Variants in ARFGEF3 observed in about 807,000 individuals in gnomAD.
ARFGEF3 encodes the protein ARFGEF family member 3.
ARFGEF3 carries 96 observed loss-of-function variants against 221.7 expected under a neutral mutation model. That is an observed-to-expected ratio of 0.43 (90% CI 0.37 to 0.51). The LOEUF (loss-of-function observed/expected upper bound fraction) is 0.51, where lower values mean the gene tolerates loss of function less well. Among genes scored for constraint, ARFGEF3 ranks in the 20% least tolerant of loss-of-function variants. ARFGEF3 has a pLI of 0.00. For synonymous variants in ARFGEF3, 1,145 were observed against 1,126.8 expected (o/e 1.02, Z -0.32); for missense variants, 2,410 against 2,789.9 (o/e 0.86, Z 3.07).
chr6:138,208,294 G>A (rs1777660051), intron 3 of ARFGEF3, among the ~76,000 whole-genome samples: 1 of 151,964 alleles, frequency 6.6e-6, no homozygotes, highest in Admixed American at 6.6e-5. Flanking sequence ...TATTTTTAGA[G>A]CGTCTCAGTT....
chr6:138,308,383 A>T (rs2114662170), intron 23 of ARFGEF3, among the ~76,000 whole-genome samples: 1 of 152,290 alleles, frequency 6.6e-6, no homozygotes, highest in South Asian at 2.1e-4. Flanking sequence ...AGAAACTCAT[A>T]TATGCCACCA....
At chr6:138,311,113 A>G (rs962591675) in intron 24 of ARFGEF3, among the ~76,000 whole-genome samples, 2 of 152,196 alleles carry the variant, frequency 1.3e-5, no homozygotes, top group Admixed American at 6.5e-5. Context: ...GTGGTAGAAG[A>G]GAGAGGAAAT....
chr6:138,298,862 C>T (rs1289595822), intron 22 of ARFGEF3, 77 bp downstream of exon 22: 4 of 1,086,726 alleles, frequency 3.7e-6, no homozygotes, highest in Admixed American at 2.3e-5. Context: ...ATGAGCTTCG[C>T]ACACTTACTC....
intron 4 of ARFGEF3, among the ~76,000 whole-genome samples, chr6:138,228,814 T>G (rs1171178561): frequency 6.6e-6 from 1 of 152,246 alleles, no homozygotes; most frequent in African/African-American, 2.4e-5. Context: ...CTCAGAAGAC[T>G]GCCCCTGGCA....
intron 8 of ARFGEF3, among the ~76,000 whole-genome samples, chr6:138,252,198 T>C (rs1022584120): frequency 1.3e-5 from 2 of 152,202 alleles, no homozygotes; most frequent in African/African-American, 4.8e-5. Context: ...ATTTAATCAC[T>C]ATACAGCTTT....
chr6:138,336,127 T>C (rs1053080767), intron 33 of ARFGEF3, among the ~76,000 whole-genome samples, 168 bp from the exon 34 acceptor site: 1 of 152,172 alleles, frequency 6.6e-6, no homozygotes, highest in Non-Finnish European at 1.5e-5. Context: ...GTAGGCATAA[T>C]AAATTAATAC....
chr6:138,290,465 GC>G (rs1779382793), intron 18 of ARFGEF3, among the ~76,000 whole-genome samples: 1 of 152,188 alleles, frequency 6.6e-6, no homozygotes, highest in Admixed American at 6.5e-5. Context: ...GTACACCTCT[GC>G]CAAAGACAGG....
At chr6:138,257,060 C>T (rs1195865578) in intron 10 of ARFGEF3, among the ~76,000 whole-genome samples, 1 of 152,214 alleles carries the variant, frequency 6.6e-6, no homozygotes, top group African/African-American at 2.4e-5. Context: ...AGGTGTGAGC[C>T]ACCATGCCCA....
intron 2 of ARFGEF3, among the ~76,000 whole-genome samples, chr6:138,206,360 T>G (rs1429325159): frequency 6.9e-6 from 1 of 145,768 alleles, no homozygotes; most frequent in Non-Finnish European, 1.5e-5. Flanking sequence ...TTTTTTTTTG[T>G]CTCTCCCCTG....
chr6:138,256,672 A>G lies in ARFGEF3; in HGVS notation c.1104+903A>G, dbSNP rs1047814786. On this transcript the variant is annotated intron_variant, in intron 10 of 33. Transcript: ENST00000251691. ...GATTTAATGACTGTTAAGAAAATCT[A>G]TGAGCCCACGATAATAATTACCATT... is the stretch of plus-strand genomic sequence containing the variant. Among the ~76,000 whole-genome samples, 8 of 152,364 alleles carry G rather than the reference A, an allele frequency of 5.3e-5. No homozygotes were observed. The South Asian group carries it at 8.3e-4, about 16-fold the overall frequency.
chr6:138,235,169 G>A (rs148487164), intron 5 of ARFGEF3, among the ~76,000 whole-genome samples: 31 of 152,246 alleles, frequency 2.0e-4, no homozygotes, highest in African/African-American at 7.5e-4. Flanking sequence ...CTGCAGACTT[G>A]TGTTTTCTTG....
chr6:138,284,806 T>C (rs1779257720), intron 14 of ARFGEF3, among the ~76,000 whole-genome samples: 1 of 152,174 alleles, frequency 6.6e-6, no homozygotes, highest in African/African-American at 2.4e-5. Flanking sequence ...GAGAAATGCA[T>C]TGTTAGGCAA....
In ARFGEF3 at chr6:138,306,123, T is replaced by C. The variant is rs541633415; in HGVS notation, c.3829-1130T>C. On this transcript the variant is annotated intron_variant, in intron 22 of 33. Transcript: ENST00000251691. The stretch of plus-strand genomic sequence containing the variant: ...GCAAAAAAATTCTAGTCGAGCAAGG[T>C]CACTGCATTCAAGATCAACATACTA... Among the ~76,000 whole-genome samples the C allele has an allele frequency of 2.0e-5, 3 of 152,158 alleles. No homozygotes were observed. The East Asian group carries it at 5.8e-4, about 29-fold the overall frequency.
At chr6:138,302,324 G>T (rs1200267733) in intron 22 of ARFGEF3, among the ~76,000 whole-genome samples, 2 of 152,134 alleles carry the variant, frequency 1.3e-5, no homozygotes, top group Non-Finnish European at 2.9e-5. Flanking sequence ...TAGCTATACG[G>T]GCTTACCAGA....
At chr6:138,173,363 AAG>A (rs2114434084) in intron 2 of ARFGEF3, among the ~76,000 whole-genome samples, 1 of 152,302 alleles carries the variant, frequency 6.6e-6, no homozygotes, top group African/African-American at 2.4e-5. Flanking sequence ...ACATAAGTAA[AAG>A]AGTTTGATAA....
intron 17 of ARFGEF3, among the ~76,000 whole-genome samples, chr6:138,288,575 G>C (rs1242905868): frequency 6.6e-6 from 1 of 151,922 alleles, no homozygotes; most frequent in African/African-American, 2.4e-5. Flanking sequence ...TGTAATCCCA[G>C]CTACTTCAGA....
In ARFGEF3 at chr6:138,323,735, C is replaced by T. The variant is rs770892397; in HGVS notation, c.4831C>T (p.Leu1611=). 1 of 1,614,024 alleles carries T rather than the reference C, an allele frequency of 6.2e-7. No homozygotes were observed. Among genetic ancestry groups the T allele is most frequent in the Non-Finnish European group, 8.5e-7 (1 of 1,179,882 alleles). The change falls in exon 30 of 34, where the codon CTG becomes TTG. Residue 1611 remains leucine, a synonymous_variant. Transcript: ENST00000251691. ...GATGTGGAGGCTTGCCTGCTGTGCC[C>T]TGCAAGATGCGTTCTCTGCCACACT... ...EEMWRLACCA[L]QDAFSATLKP...
intron 12 of ARFGEF3, 21 bp downstream of exon 12, chr6:138,263,632 T>C: frequency 1.3e-6 from 2 of 1,566,662 alleles, no homozygotes; most frequent in Non-Finnish European, 1.7e-6. Flanking sequence ...AATTCTCTGC[T>C]GTATAGTCAA....
chr6:138,266,167 T>G (rs1323469791), intron 12 of ARFGEF3, among the ~76,000 whole-genome samples: 2 of 151,640 alleles, frequency 1.3e-5, no homozygotes, highest in Non-Finnish European at 2.9e-5. Flanking sequence ...TAGCCATGTT[T>G]CCACCACTGC....
Sources: allele counts gnomAD v4.1 joint callset (sites outside exome capture counted in the v4.1 genomes callset), GRCh38; gene constraint gnomAD v4.1.1; transcripts MANE v1.5; gene names NCBI Gene and HGNC (gene_info 2026-07-23, HGNC 2026-07-21).